RAPGEF2: variants seen among roughly 807,000 people sequenced by gnomAD.
RAPGEF2 encodes the protein PDZ domain containing guanine nucleotide exchange factor (GEF) 1.
In RAPGEF2, 54 loss-of-function variants were observed where a neutral mutation model predicts 186.7. That is an observed-to-expected ratio of 0.29 (90% CI 0.23 to 0.36). The LOEUF (loss-of-function observed/expected upper bound fraction) is 0.36, where lower values mean the gene tolerates loss of function less well. Ranked by LOEUF, RAPGEF2 falls within the 10% of genes least tolerant of loss-of-function variation. The pLI is 1.00. For synonymous variants in RAPGEF2, 712 were observed against 705.9 expected (o/e 1.01, Z -0.14); for missense variants, 1,532 against 2,045.0 (o/e 0.75, Z 4.84).
intron 28 of RAPGEF2, 148 bp downstream of exon 28, chr4:159,354,194 C>A: frequency 2.2e-6 from 2 of 906,820 alleles, no homozygotes; most frequent in Non-Finnish European, 3.2e-6. Context: ...GTGTTAAGGT[C>A]TTTGAAATCA....
chr4:159,202,825 C>G (rs1749590397), intron 3 of RAPGEF2, among the ~76,000 whole-genome samples: 1 of 152,130 alleles, frequency 6.6e-6, no homozygotes, highest in Admixed American at 6.5e-5. Flanking sequence ...AGATCTCAAA[C>G]TCCTGACCTC....
intron 3 of RAPGEF2, among the ~76,000 whole-genome samples, chr4:159,197,013 T>G (rs976258437): frequency 7.9e-5 from 12 of 152,240 alleles, no homozygotes; most frequent in African/African-American, 2.9e-4. Context: ...ATCAGGTAAT[T>G]TCTGCCTTCC....
intron 1 of RAPGEF2, among the ~76,000 whole-genome samples, chr4:159,125,244 C>T (rs536100904): frequency 2.6e-4 from 40 of 152,278 alleles, no homozygotes; most frequent in Admixed American, 2.1e-3. Context: ...AGTTTACAAT[C>T]AAGAAATATT....
chr4:159,116,968 C>T (rs1050663067), intron 1 of RAPGEF2, among the ~76,000 whole-genome samples: 1 of 152,046 alleles, frequency 6.6e-6, no homozygotes, highest in Non-Finnish European at 1.5e-5. Context: ...CAGCAAACCA[C>T]CATGGCACAC....
intron 1 of RAPGEF2, among the ~76,000 whole-genome samples, chr4:159,131,267 C>T (rs1282907966): frequency 6.6e-6 from 1 of 152,174 alleles, no homozygotes; most frequent in Non-Finnish European, 1.5e-5. Flanking sequence ...TATGCCACCA[C>T]ACCCAGCTAA....
At chr4:159,261,147 T>G (rs1756801559) in intron 7 of RAPGEF2, among the ~76,000 whole-genome samples, 1 of 151,572 alleles carries the variant, frequency 6.6e-6, no homozygotes, top group Admixed American at 6.6e-5. Context: ...CTGCAAGCTC[T>G]CCCTCCCAGG....
chr4:159,240,441 C>A (rs930259419), intron 5 of RAPGEF2, among the ~76,000 whole-genome samples: 1 of 146,786 alleles, frequency 6.8e-6, no homozygotes, highest in African/African-American at 2.6e-5. Flanking sequence ...TCAAGCAATT[C>A]TCCTGCCTCA....
chr4:159,186,615 T>C, intron 1 of RAPGEF2, 27 bp from the exon 2 acceptor site: 2 of 1,262,046 alleles, frequency 1.6e-6, no homozygotes, highest in Non-Finnish European at 2.1e-6. Flanking sequence ...ACAGGTCTAA[T>C]AATTTCTATT....
At chr4:159,178,274 G>A (rs755099450) in intron 1 of RAPGEF2, among the ~76,000 whole-genome samples, 1 of 152,116 alleles carries the variant, frequency 6.6e-6, no homozygotes, top group Non-Finnish European at 1.5e-5. Context: ...GGATAGGAGG[G>A]ATTGCACCAG....
chr4:159,275,054 CGTGTGTGTGTGTGTGT>C (rs35461332), intron 7 of RAPGEF2, among the ~76,000 whole-genome samples: 38 of 143,978 alleles, frequency 2.6e-4, no homozygotes, highest in East Asian at 1.9e-3. Flanking sequence ...CTCTGTCTCT[CGTGTGTGTGTGTGTGT>C]GTGTGTGTGT....
At chr4:159,224,228 T>C (rs990450340) in intron 4 of RAPGEF2, among the ~76,000 whole-genome samples, 1 of 152,178 alleles carries the variant, frequency 6.6e-6, no homozygotes, top group African/African-American at 2.4e-5. Context: ...AAATCCCTTA[T>C]GTATAGGAAA....
chr4:159,326,762 C>T (rs1765983436), intron 11 of RAPGEF2: 1 of 152,348 alleles, frequency 6.6e-6, no homozygotes, highest in South Asian at 2.1e-4. Flanking sequence ...TTTTCTTTTT[C>T]CCTTCTCCTG....
chr4:159,188,885 G>A (rs28379743), intron 2 of RAPGEF2, among the ~76,000 whole-genome samples: 2,370 of 152,234 alleles, frequency 0.016, 72 homozygotes, highest in African/African-American at 0.054. Flanking sequence ...CCTACAGGGC[G>A]GAGCCTGTGA....
chr4:159,187,699 C>A (rs1280002710), intron 2 of RAPGEF2, among the ~76,000 whole-genome samples: 3 of 152,024 alleles, frequency 2.0e-5, no homozygotes, highest in African/African-American at 7.2e-5. Context: ...TATTAAAGAA[C>A]AAAAATGATT....
intron 10 of RAPGEF2, 80 bp from the exon 11 acceptor site, chr4:159,323,379 A>AGCAT: frequency 8.3e-7 from 1 of 1,207,304 alleles, no homozygotes; most frequent in Non-Finnish European, 1.1e-6. Flanking sequence ...CTGCTAATTC[A>AGCAT]TTTTTAGGGA....
chr4:159,174,813 T>C (rs1746292798), intron 1 of RAPGEF2, among the ~76,000 whole-genome samples: 1 of 151,648 alleles, frequency 6.6e-6, no homozygotes, highest in Non-Finnish European at 1.5e-5. Flanking sequence ...ATGGAGTGCA[T>C]TGGCACAGTG....
intron 4 of RAPGEF2, among the ~76,000 whole-genome samples, chr4:159,226,326 T>G (rs1752028454): frequency 6.6e-6 from 1 of 152,204 alleles, no homozygotes. Flanking sequence ...TGTTTAGATC[T>G]GTCTCTGGAA....
chr4:159,233,748 C>T (rs1451115568), intron 4 of RAPGEF2, among the ~76,000 whole-genome samples: 2 of 151,820 alleles, frequency 1.3e-5, no homozygotes, highest in Non-Finnish European at 2.9e-5. Flanking sequence ...CCACCTATTC[C>T]CCAATAACCT....
chr4:159,270,856 C>G (rs957505069), intron 7 of RAPGEF2, among the ~76,000 whole-genome samples: 1 of 152,170 alleles, frequency 6.6e-6, no homozygotes, highest in Non-Finnish European at 1.5e-5. Flanking sequence ...CAGAAATGCA[C>G]CCAGCACTGG....
Sources: gnomAD v4.1 joint callset for allele counts (sites outside exome capture counted in the v4.1 genomes callset) on GRCh38, gnomAD v4.1.1 for gene constraint, MANE v1.5 for transcripts, NCBI Gene and HGNC (gene_info 2026-07-23, HGNC 2026-07-21) for gene names.